KLF12: variants seen among roughly 807,000 people sequenced by gnomAD.
KLF12 encodes the protein Krueppel-like factor 12.
In KLF12, 9 loss-of-function variants were observed where a neutral mutation model predicts 37.8. That is an observed-to-expected ratio of 0.24 (90% CI 0.14 to 0.42). The LOEUF is 0.42. KLF12 is among the 10% of genes least tolerant of loss of function. KLF12 has a pLI of 1.00. For missense variants in KLF12, 411 were observed against 516.0 expected (o/e 0.80, Z 1.97); for synonymous variants, 208 against 202.1 (o/e 1.03, Z -0.25).
chr13:74,037,560 G>C (rs1035995759), intron 1 of KLF12, among the ~76,000 whole-genome samples: 3 of 152,254 alleles, frequency 2.0e-5, no homozygotes, highest in Non-Finnish European at 4.4e-5. Context: ...AGATGCACTT[G>C]TCAATTTTTA....
At chr13:73,866,960 CTA>C (rs1022546646) in intron 3 of KLF12, among the ~76,000 whole-genome samples, 8 of 151,932 alleles carry the variant, frequency 5.3e-5, no homozygotes, top group Admixed American at 1.3e-4. Flanking sequence ...AAGGATTAAA[CTA>C]TGGTGAGCAT....
At chr13:73,921,197 T>C (rs1407348282) in intron 3 of KLF12, among the ~76,000 whole-genome samples, 4 of 152,150 alleles carry the variant, frequency 2.6e-5, no homozygotes, top group African/African-American at 9.7e-5. Context: ...TTCAACCATC[T>C]GGCCCCTCTT....
At chr13:74,043,840 T>A (rs1893473099) in intron 1 of KLF12, among the ~76,000 whole-genome samples, 2 of 152,100 alleles carry the variant, frequency 1.3e-5, no homozygotes. Context: ...GAAAGAAGAG[T>A]GGGAGAGCAT....
At chr13:73,730,149 C>T (rs1452567175) in intron 6 of KLF12, among the ~76,000 whole-genome samples, 1 of 152,172 alleles carries the variant, frequency 6.6e-6, no homozygotes, top group African/African-American at 2.4e-5. Context: ...TGGAGCTTCA[C>T]TATCTTTGCC....
chr13:73,925,409 CT>C (rs1421119674), intron 3 of KLF12, among the ~76,000 whole-genome samples: 9 of 152,136 alleles, frequency 5.9e-5, no homozygotes, highest in Admixed American at 5.2e-4. Context: ...ACAACAAAGC[CT>C]GGATGACAGT....
At chr13:73,819,256 G>C (rs1214120993) in intron 4 of KLF12, among the ~76,000 whole-genome samples, 3 of 152,176 alleles carry the variant, frequency 2.0e-5, no homozygotes, top group Non-Finnish European at 1.5e-5. Context: ...GCTCTAAGGA[G>C]TAAAGAAGAT....
At chr13:74,239,022 C>A in the KLF12 span, among the ~76,000 whole-genome samples, 125 of 149,182 alleles carry the variant, frequency 8.4e-4, no homozygotes, top group African/African-American at 1.4e-3. Context: ...AGTTCTTTTA[C>A]TTGTGATGTT....
At chr13:73,739,254 A>C (rs1877773763) in intron 6 of KLF12, among the ~76,000 whole-genome samples, 1 of 149,566 alleles carries the variant, frequency 6.7e-6, no homozygotes, top group South Asian at 2.1e-4. Flanking sequence ...TAATAATAAT[A>C]ATAATAATAA....
At chr13:73,927,018 T>C (rs995158768) in intron 3 of KLF12, among the ~76,000 whole-genome samples, 5 of 150,200 alleles carry the variant, frequency 3.3e-5, no homozygotes, top group African/African-American at 9.8e-5. Context: ...TCATACGAAA[T>C]AGCATAAAAA....
chr13:73,905,094 A>G (rs1420262449), intron 3 of KLF12, among the ~76,000 whole-genome samples: 1 of 152,180 alleles, frequency 6.6e-6, no homozygotes, highest in Non-Finnish European at 1.5e-5. Flanking sequence ...AAGAGTTCAA[A>G]GCCTGTTTTT....
chr13:74,185,345 AAC>A, the KLF12 span, among the ~76,000 whole-genome samples: 1 of 152,212 alleles, frequency 6.6e-6, no homozygotes, highest in Non-Finnish European at 1.5e-5. Flanking sequence ...CCTCTGAAAC[AAC>A]AGAGGAGGCT....
In KLF12 at chr13:73,895,044, T is replaced by C. The variant is rs77171514; in HGVS notation, c.124-48671A>G. Among the ~76,000 whole-genome samples, 17 of 152,310 alleles carry C rather than the reference T, an allele frequency of 1.1e-4. No individual in the cohort carries two copies. The East Asian group carries it at 3.3e-3, about 29-fold the overall frequency. The stretch of plus-strand genomic sequence containing the variant: ...ATATAATAAAGCCAGCCAACAAACG[T>C]ATTTCTTTCTTTCTTGCTGGGTATT... On this transcript the variant is annotated intron_variant, in intron 3 of 7. Transcript: ENST00000377669.
At chr13:73,879,561 A>T (rs1886880222) in intron 3 of KLF12, among the ~76,000 whole-genome samples, 1 of 152,272 alleles carries the variant, frequency 6.6e-6, no homozygotes, top group South Asian at 2.1e-4. Flanking sequence ...ATTAAAACGC[A>T]GAACAAAAAT....
At chr13:74,105,534 C>A (rs1876605061) in intron 1 of KLF12, among the ~76,000 whole-genome samples, 1 of 151,726 alleles carries the variant, frequency 6.6e-6, no homozygotes, top group Non-Finnish European at 1.5e-5. Context: ...AATAATAATC[C>A]TGAAAAGGTA....
chr13:74,176,388 C>A, the KLF12 span, among the ~76,000 whole-genome samples: 1 of 152,168 alleles, frequency 6.6e-6, no homozygotes, highest in Admixed American at 6.5e-5. Flanking sequence ...CAGGTCTAGA[C>A]ATTATCCCGG....
chr13:74,181,909 T>C, the KLF12 span, among the ~76,000 whole-genome samples: 1 of 152,272 alleles, frequency 6.6e-6, no homozygotes, highest in East Asian at 1.9e-4. Flanking sequence ...ATAGAATATT[T>C]GTGGTATGGT....
At chr13:73,818,222 T>G (rs541885778) in intron 4 of KLF12, among the ~76,000 whole-genome samples, 1 of 152,382 alleles carries the variant, frequency 6.6e-6, no homozygotes, top group South Asian at 2.1e-4. Context: ...CTCGGCTCAC[T>G]GCAACCTCCG....
At chr13:73,776,355 A>G (rs1213474288) in intron 5 of KLF12, among the ~76,000 whole-genome samples, 2 of 152,188 alleles carry the variant, frequency 1.3e-5, no homozygotes, top group Admixed American at 1.3e-4. Flanking sequence ...AGAAGCCAGG[A>G]CCTGACCTAC....
the KLF12 span, among the ~76,000 whole-genome samples, chr13:74,157,504 G>T: frequency 2.0e-5 from 3 of 152,130 alleles, no homozygotes; most frequent in African/African-American, 7.2e-5. Context: ...AGGGAGGTTG[G>T]CTATGCTCAC....
Sources: gnomAD v4.1 joint callset for allele counts (sites outside exome capture counted in the v4.1 genomes callset) on GRCh38, gnomAD v4.1.1 for gene constraint, MANE v1.5 for transcripts, NCBI Gene and HGNC (gene_info 2026-07-23, HGNC 2026-07-21) for gene names.